The following F8 variants were observed in gnomAD, a reference collection of about 807,000 sequenced individuals.
The protein encoded by F8 is antihemophilic factor.
Under a neutral mutation model 140.6 loss-of-function variants are expected in F8, and 12 were observed. That is an observed-to-expected ratio of 0.09 (90% CI 0.05 to 0.14). The LOEUF is 0.14. Ranked by LOEUF, F8 falls within the 10% of genes least tolerant of loss-of-function variation. The pLI is 1.00. For missense variants in F8, 1,354 were observed against 1,720.7 expected (o/e 0.79, Z 3.77); for synonymous variants, 585 against 614.6 (o/e 0.95, Z 0.71).
intron 13 of F8, among the ~76,000 whole-genome samples, chrX:154,935,029 G>T (rs182625802): frequency 1.8e-4 from 20 of 110,083 alleles, no homozygotes; most frequent in Admixed American, 1.3e-3. Flanking sequence ...CTGGCATGAT[G>T]GTGCATGCCT....
chrX:154,910,282 G>A (rs189121149), intron 14 of F8, among the ~76,000 whole-genome samples: 1 of 111,048 alleles, frequency 9.0e-6, no homozygotes, highest in Non-Finnish European at 1.9e-5. Flanking sequence ...GGACATGGAT[G>A]AATCTGGAAA....
intron 14 of F8, among the ~76,000 whole-genome samples, chrX:154,924,033 C>A (rs781980877): frequency 2.7e-5 from 3 of 112,313 alleles, no homozygotes; most frequent in South Asian, 7.3e-4. Context: ...CTGCTGCCAT[C>A]CATGTAAGAC....
chrX:154,920,857 C>G lies in F8; in HGVS notation c.5219+7714G>C, dbSNP rs186836370. 4.5e-5 allele frequency among the ~76,000 whole-genome samples: 5 copies of G among 112,143 alleles called. No homozygotes were observed. The East Asian group carries it at 1.4e-3, about 31-fold the overall frequency. ...TAAAATAGCTTTCTTTGTCTTTTAT[C>G]TTTTATACTAAAGATATAATTAATT... is the stretch of plus-strand genomic sequence containing the variant. On this transcript the variant is annotated intron_variant, in intron 14 of 25. Coordinates refer to ENST00000360256, the MANE Select transcript of F8 (RefSeq NM_000132.4).
At chrX:154,852,312 T>C (rs1427127553) in intron 25 of F8, among the ~76,000 whole-genome samples, 1 of 111,523 alleles carries the variant, frequency 9.0e-6, no homozygotes, top group Non-Finnish European at 1.9e-5. Flanking sequence ...GCTCAAGTGA[T>C]CCACCAGCCT....
At chrX:154,979,038 G>A (rs1329912972) in intron 6 of F8, among the ~76,000 whole-genome samples, 1 of 111,346 alleles carries the variant, frequency 9.0e-6, no homozygotes, top group Non-Finnish European at 1.9e-5. Flanking sequence ...ACTGGTTTTA[G>A]GTCCAGGCAG....
At chrX:154,951,449 T>C (rs1603434602) in intron 12 of F8, among the ~76,000 whole-genome samples, 1 of 111,597 alleles carries the variant, frequency 9.0e-6, no homozygotes, top group East Asian at 2.8e-4. Flanking sequence ...ACTATATAAG[T>C]TAATTTTGCC....
At chrX:154,991,349 TG>T (rs1463501085) in intron 4 of F8, among the ~76,000 whole-genome samples, 1 of 112,417 alleles carries the variant, frequency 8.9e-6, no homozygotes, top group Non-Finnish European at 1.9e-5. Flanking sequence ...AATACTAGAG[TG>T]GGGAAAAAGG....
intron 13 of F8, among the ~76,000 whole-genome samples, chrX:154,940,952 G>A (rs1557279681): frequency 9.0e-6 from 1 of 111,705 alleles, no homozygotes. Context: ...ATCCTTTACA[G>A]ACAAGCAAAT....
At chrX:154,842,921 T>G (rs1422537796) in intron 25 of F8, among the ~76,000 whole-genome samples, 2 of 111,846 alleles carry the variant, frequency 1.8e-5, no homozygotes, top group Non-Finnish European at 3.8e-5. Flanking sequence ...ACATTAGGTA[T>G]ATCTCCTAAT....
chrX:154,950,007 C>T (rs1557280615), intron 12 of F8, among the ~76,000 whole-genome samples: 1 of 111,556 alleles, frequency 9.0e-6, no homozygotes, highest in Non-Finnish European at 1.9e-5. Context: ...CCTCGTGATC[C>T]GCCCGCCTTG....
At chrX:154,966,400 A>G (rs1557281991) in intron 8 of F8, 26 bp downstream of exon 8, 1 of 1,207,952 alleles carries the variant, frequency 8.3e-7, no homozygotes, top group Non-Finnish European at 1.1e-6. Flanking sequence ...GGGAAGAGAG[A>G]GTACCAATAG....
At chrX:154,998,342 C>CA (rs2073628975) in intron 2 of F8, among the ~76,000 whole-genome samples, 1 of 113,161 alleles carries the variant, frequency 8.8e-6, no homozygotes, top group African/African-American at 3.2e-5. Context: ...TCTTCCTCCC[C>CA]AACTCACCTT....
intron 25 of F8, among the ~76,000 whole-genome samples, chrX:154,858,140 A>G (rs1187625047): frequency 3.6e-5 from 4 of 111,716 alleles, no homozygotes; most frequent in Non-Finnish European, 5.7e-5. Context: ...CTCCATCTCA[A>G]AAAAAAAGTA....
intron 1 of F8, among the ~76,000 whole-genome samples, chrX:155,005,857 A>G (rs1394687645): frequency 9.0e-6 from 1 of 111,674 alleles, no homozygotes; most frequent in Non-Finnish European, 1.9e-5. Context: ...TTGCCTCAAT[A>G]GAGAACATCT....
intron 9 of F8, among the ~76,000 whole-genome samples, chrX:154,961,799 G>A (rs1472688937): frequency 9.0e-6 from 1 of 110,620 alleles, no homozygotes; most frequent in African/African-American, 3.3e-5. Flanking sequence ...CTAATCTGCC[G>A]TTAGACTTTC....
intron 14 of F8, among the ~76,000 whole-genome samples, chrX:154,926,660 G>A (rs2073162316): frequency 8.9e-6 from 1 of 111,945 alleles, no homozygotes; most frequent in South Asian, 3.7e-4. Flanking sequence ...ACAGGAGTGA[G>A]CCACCATGCC....
chrX:154,940,409 G>T (rs1429794431), intron 13 of F8, among the ~76,000 whole-genome samples: 1 of 111,934 alleles, frequency 8.9e-6, no homozygotes, highest in African/African-American at 3.3e-5. Context: ...GGAAGAAAGG[G>T]TATCAGCAAT....
intron 4 of F8, among the ~76,000 whole-genome samples, chrX:154,989,815 A>T (rs1195503112): frequency 8.9e-6 from 1 of 112,223 alleles, no homozygotes; most frequent in African/African-American, 3.2e-5. Context: ...CAAATATTCC[A>T]GTATCTGAAA....
At position 154,862,851 on chromosome X, in the gene F8, G is replaced by A. The variant is rs781793710; in HGVS notation, c.6574+232C>T. On this transcript the variant is annotated intron_variant, in intron 23 of 25. Transcript: ENST00000360256. ...GAATAGTGCTGAAATGAACATATGCGTGCATGTGTCTTTATGACAGAATGA... is the reference window on the plus strand; with the variant it reads ...GAATAGTGCTGAAATGAACATATGCATGCATGTGTCTTTATGACAGAATGA... Among the ~76,000 whole-genome samples, 43 of 112,117 alleles carry A rather than the reference G, an allele frequency of 3.8e-4. 1 individual carries two copies. Among genetic ancestry groups the A allele is most frequent in the African/African-American group, 1.3e-3 (39 of 30,876 alleles).
Sources: allele counts gnomAD v4.1 joint callset (sites outside exome capture counted in the v4.1 genomes callset), GRCh38; gene constraint gnomAD v4.1.1; transcripts MANE v1.5; gene names NCBI Gene and HGNC (gene_info 2026-07-23, HGNC 2026-07-21).